The following ANKRD11 variants were observed in gnomAD, a reference collection of about 807,000 sequenced individuals.
ANKRD11 encodes the protein ankyrin repeat domain 11.
Under a neutral mutation model 195.7 loss-of-function variants are expected in ANKRD11, and 17 were observed. That is an observed-to-expected ratio of 0.09 (90% CI 0.06 to 0.13). The LOEUF (loss-of-function observed/expected upper bound fraction) is 0.13. ANKRD11 is among the 10% of genes least tolerant of loss of function. The pLI, the probability that ANKRD11 is intolerant of heterozygous loss-of-function variation, is 1.00. For synonymous variants in ANKRD11, 1,953 were observed against 1,528.1 expected, an observed-to-expected ratio of 1.28 and a Z score of -6.49; for missense variants, 3,735 against 3,566.1, an observed-to-expected ratio of 1.05 and a Z score of -1.21.
At chr16:89,287,558 C>G (rs919562627) in intron 7 of ANKRD11, 1 of 172,870 alleles carries the variant, frequency 5.8e-6, no homozygotes, top group African/African-American at 2.4e-5. Context: ...CCCTGCAGCA[C>G]TGAGCGAATC....
chr16:89,316,838 G>A (rs1478268776), intron 3 of ANKRD11, 95 bp downstream of exon 3: 2 of 1,433,804 alleles, frequency 1.4e-6, no homozygotes, highest in East Asian at 4.9e-5. Flanking sequence ...AGGGCCGGAG[G>A]GCGGAGAACA....
intron 2 of ANKRD11, among the ~76,000 whole-genome samples, chr16:89,338,992 C>T (rs562850461): frequency 4.6e-5 from 7 of 152,288 alleles, no homozygotes; most frequent in Non-Finnish European, 1.0e-4. Context: ...CCACCGAGGG[C>T]CTCACTGGAC....
chr16:89,355,788 C>T (rs371440682), intron 2 of ANKRD11, among the ~76,000 whole-genome samples: 2 of 152,212 alleles, frequency 1.3e-5, no homozygotes, highest in East Asian at 3.8e-4. Context: ...GCATCTGCAC[C>T]GAGGCCCTGC....
chr16:89,407,204 G>A (rs2041940288), intron 2 of ANKRD11, among the ~76,000 whole-genome samples: 1 of 151,220 alleles, frequency 6.6e-6, no homozygotes, highest in Non-Finnish European at 1.5e-5. Flanking sequence ...AAAAAAAAAA[G>A]AACACGCAGA....
chr16:89,338,403 T>C (rs1395454791), intron 2 of ANKRD11, among the ~76,000 whole-genome samples: 9 of 145,228 alleles, frequency 6.2e-5, no homozygotes, highest in African/African-American at 2.3e-4. Flanking sequence ...GTGGAAATCC[T>C]GTACTTAACA....
At chr16:89,473,968 A>G (rs1320244307) in intron 1 of ANKRD11, among the ~76,000 whole-genome samples, 1 of 152,258 alleles carries the variant, frequency 6.6e-6, no homozygotes. Context: ...CTACTGAAGC[A>G]GAAGACTCTT....
At chr16:89,388,296 T>TTTTTTTTA (rs2041017501) in intron 2 of ANKRD11, among the ~76,000 whole-genome samples, 1 of 132,140 alleles carries the variant, frequency 7.6e-6, no homozygotes, top group Non-Finnish European at 1.6e-5. Flanking sequence ...GAGGCTGATT[T>TTTTTTTTA]TTTTTTTTTT....
chr16:89,432,570 G>A (rs963457097), intron 1 of ANKRD11, among the ~76,000 whole-genome samples: 1 of 152,130 alleles, frequency 6.6e-6, no homozygotes, highest in African/African-American at 2.4e-5. Flanking sequence ...TCAAAGTCAA[G>A]CTCAGGTCTT....
intron 1 of ANKRD11, among the ~76,000 whole-genome samples, chr16:89,436,817 G>A (rs2043234272): frequency 6.6e-6 from 1 of 152,210 alleles, no homozygotes; most frequent in African/African-American, 2.4e-5. Context: ...CTAGAGAACT[G>A]TTAGAGACCC....
At chr16:89,462,432 C>G (rs558021032) in intron 1 of ANKRD11, among the ~76,000 whole-genome samples, 1 of 152,238 alleles carries the variant, frequency 6.6e-6, no homozygotes, top group East Asian at 1.9e-4. Context: ...CCTCCACCTC[C>G]CAGCCGCCTG....
At chr16:89,344,023 G>A (rs937713525) in intron 2 of ANKRD11, among the ~76,000 whole-genome samples, 1 of 150,774 alleles carries the variant, frequency 6.6e-6, no homozygotes, top group Non-Finnish European at 1.5e-5. Flanking sequence ...GGTGCAGGCG[G>A]CCAGCCACTC....
intron 9 of ANKRD11, 167 bp downstream of exon 9, chr16:89,278,905 C>T: frequency 3.4e-6 from 4 of 1,190,552 alleles, no homozygotes; most frequent in Non-Finnish European, 4.9e-6. Context: ...CAGCTTCCGG[C>T]TTTTGCCTCC....
intron 1 of ANKRD11, among the ~76,000 whole-genome samples, chr16:89,474,711 C>T (rs1443202543): frequency 6.6e-6 from 1 of 152,178 alleles, no homozygotes; most frequent in Non-Finnish European, 1.5e-5. Context: ...TTCTTCATAA[C>T]TGAACTCACA....
Position 89,274,874 on chromosome 16 carries a change from T to C in ANKRD11, c.7653A>G (p.Pro2551=). 6.2e-7 allele frequency: 1 copy of C among 1,613,448 alleles called. No homozygotes were observed. Among genetic ancestry groups the C allele is most frequent in the Non-Finnish European group, 8.5e-7 (1 of 1,179,954 alleles). ...CCAGCAGCATCGTGCAGGCGCTGAATGGCACTGCCTGGTTGGCGATGGTCC... is the reference window on the plus strand; with the variant it reads ...CCAGCAGCATCGTGCAGGCGCTGAACGGCACTGCCTGGTTGGCGATGGTCC... The part of the protein sequence containing the change: ...AARTIANQAV[P]FSACTMLLDS... Residue 2551 remains proline, a synonymous_variant, in exon 11 of 13, where the codon CCA becomes CCG. Transcript: ENST00000301030.
At chr16:89,355,862 A>G (rs1467118033) in intron 2 of ANKRD11, among the ~76,000 whole-genome samples, 1 of 152,116 alleles carries the variant, frequency 6.6e-6, no homozygotes, top group Non-Finnish European at 1.5e-5. Flanking sequence ...AGGCAGAGTG[A>G]CCGATGAGAT....
In ANKRD11 at chr16:89,281,408, A is replaced by T; in HGVS notation, c.5134T>A (p.Cys1712Ser). 1 of 1,609,948 alleles carries T rather than the reference A, an allele frequency of 6.2e-7. No homozygotes were observed. Among genetic ancestry groups the T allele is most frequent in the Non-Finnish European group, 8.5e-7 (1 of 1,176,944 alleles). ...GVPTPTSVLS[C>S]PSYEEVMHTP... The stretch of plus-strand genomic sequence containing the variant: ...TGCATCACCTCCTCGTAGCTGGGGC[A>T]GGATAGCACCGACGTAGGGGTGGGC... The change falls in exon 9 of 13, where the codon TGC becomes AGC. Residue 1712 changes from cysteine to serine, a missense_variant. Physicochemically the swap from Cys to Ser is moderately radical, Grantham distance 112. Coordinates refer to ENST00000301030, the MANE Select transcript of ANKRD11 (RefSeq NM_013275.6). The surrounding 1 kb of genome is among the most constrained non-coding windows in gnomAD (Gnocchi z 5.5).
At chr16:89,365,575 T>C (rs1426465608) in intron 2 of ANKRD11, among the ~76,000 whole-genome samples, 1 of 152,248 alleles carries the variant, frequency 6.6e-6, no homozygotes, top group African/African-American at 2.4e-5. Flanking sequence ...AGCTCTTATG[T>C]CTTGTGTATG....
intron 2 of ANKRD11, among the ~76,000 whole-genome samples, chr16:89,415,156 G>A (rs1162092610): frequency 6.6e-6 from 1 of 151,232 alleles, no homozygotes; most frequent in Non-Finnish European, 1.5e-5. Flanking sequence ...GTCTCGTCAT[G>A]TTACTCAGGC....
intron 1 of ANKRD11, among the ~76,000 whole-genome samples, chr16:89,435,998 G>A (rs2043201268): frequency 6.6e-6 from 1 of 152,196 alleles, no homozygotes; most frequent in Non-Finnish European, 1.5e-5. Context: ...AGCCCAGCAG[G>A]TGCTGCTGAG....
Sources: gnomAD v4.1 joint callset for allele counts (sites outside exome capture counted in the v4.1 genomes callset) on GRCh38, gnomAD v4.1.1 for gene constraint, Gnocchi (gnomAD v3.1) non-coding constraint, MANE v1.5 for transcripts, NCBI Gene and HGNC (gene_info 2026-07-23, HGNC 2026-07-21) for gene names.